Variants in DCDC2 observed in about 807,000 individuals in gnomAD.
The protein encoded by DCDC2 is doublecortin domain containing 2.
A neutral mutation model predicts 50.2 loss-of-function variants in DCDC2; 40 were observed. The observed-to-expected ratio is 0.80, with a 90% CI of 0.62 to 1.04. The LOEUF (loss-of-function observed/expected upper bound fraction) is 1.04, where lower values mean the gene tolerates loss of function less well. DCDC2 is among the 50% of genes least tolerant of loss of function. The pLI is 0.00. For synonymous variants in DCDC2, 234 were observed against 210.6 expected, an observed-to-expected ratio of 1.11 and a Z score of -0.96; for missense variants, 570 against 581.9, an observed-to-expected ratio of 0.98 and a Z score of 0.21.
intron 7 of DCDC2, among the ~76,000 whole-genome samples, chr6:24,215,310 G>A (rs1274384038): frequency 6.6e-6 from 1 of 152,156 alleles, no homozygotes; most frequent in Non-Finnish European, 1.5e-5. Context: ...AAGGCTGTAG[G>A]GATAAGGAGT....
At chr6:24,220,899 C>CGAGCGAGAGAGTGAGCGAGG (rs1170455755) in intron 7 of DCDC2, among the ~76,000 whole-genome samples, 1 of 115,752 alleles carries the variant, frequency 8.6e-6, no homozygotes, top group Non-Finnish European at 2.0e-5. Context: ...AGTGAGCGAG[C>CGAGCGAGAGAGTGAGCGAGG]GAGCGAGAGA....
At chr6:24,353,758 A>C in intron 1 of DCDC2, 135 bp from the exon 2 acceptor site, 1 of 523,522 alleles carries the variant, frequency 1.9e-6, no homozygotes, top group South Asian at 3.4e-5. Flanking sequence ...ATAGCTACTA[A>C]TGAAAAGCAA....
chr6:24,232,630 T>C (rs559891982), intron 7 of DCDC2, among the ~76,000 whole-genome samples: 1 of 152,356 alleles, frequency 6.6e-6, no homozygotes, highest in African/African-American at 2.4e-5. Flanking sequence ...ACACCAGCCA[T>C]GCTCTTTAAT....
At chr6:24,247,778 C>T (rs1233892595) in intron 7 of DCDC2, among the ~76,000 whole-genome samples, 1 of 152,058 alleles carries the variant, frequency 6.6e-6, no homozygotes, top group East Asian at 1.9e-4. Context: ...GCTGTGTACT[C>T]TTAAAAATGT....
At chr6:24,257,891 A>C (rs2113803696) in intron 7 of DCDC2, among the ~76,000 whole-genome samples, 1 of 152,366 alleles carries the variant, frequency 6.6e-6, no homozygotes, top group East Asian at 1.9e-4. Flanking sequence ...GAAGGACCAG[A>C]TTCAAGAGAC....
intron 2 of DCDC2, among the ~76,000 whole-genome samples, chr6:24,337,637 A>AT (rs1165602767): frequency 6.6e-6 from 1 of 151,964 alleles, no homozygotes; most frequent in Non-Finnish European, 1.5e-5. Context: ...CTACCAAAAA[A>AT]ATATAAAAAA....
At chr6:24,292,249 C>A (rs1763767894) in intron 4 of DCDC2, among the ~76,000 whole-genome samples, 1 of 149,948 alleles carries the variant, frequency 6.7e-6, no homozygotes, top group South Asian at 2.1e-4. Flanking sequence ...AGGTTATAAG[C>A]AAGAGCTATT....
At chr6:24,351,251 T>C (rs1170473457) in intron 2 of DCDC2, among the ~76,000 whole-genome samples, 1 of 152,170 alleles carries the variant, frequency 6.6e-6, no homozygotes, top group African/African-American at 2.4e-5. Context: ...GTGAAGGTCA[T>C]GGTGCGAACT....
chr6:24,337,568 C>T (rs142591381), intron 2 of DCDC2, among the ~76,000 whole-genome samples: 37 of 152,026 alleles, frequency 2.4e-4, no homozygotes, highest in Admixed American at 9.2e-4. Flanking sequence ...CCGAGGTGGG[C>T]GGATCGCTTG....
chr6:24,256,271 G>T (rs1762895850), intron 7 of DCDC2, among the ~76,000 whole-genome samples: 1 of 110,786 alleles, frequency 9.0e-6, no homozygotes, highest in Non-Finnish European at 2.0e-5. Flanking sequence ...TCAGATGCTG[G>T]ACATTTTTTT....
At chr6:24,349,131 C>T (rs1414484064) in intron 2 of DCDC2, among the ~76,000 whole-genome samples, 2 of 152,196 alleles carry the variant, frequency 1.3e-5, no homozygotes, top group African/African-American at 4.8e-5. Context: ...AGAGTGAGAT[C>T]TACAATGCCA....
chr6:24,315,584 C>A (rs1759645828), intron 2 of DCDC2, among the ~76,000 whole-genome samples: 1 of 152,034 alleles, frequency 6.6e-6, no homozygotes, highest in South Asian at 2.1e-4. Context: ...AAGACCCCTG[C>A]CTTCATGAAG....
intron 2 of DCDC2, among the ~76,000 whole-genome samples, chr6:24,325,233 G>A (rs908372226): frequency 1.5e-5 from 2 of 135,292 alleles, no homozygotes; most frequent in Non-Finnish European, 3.4e-5. Context: ...AAATAAAAGC[G>A]CTCACTTACA....
At chr6:24,185,160 T>C (rs995362190) in intron 8 of DCDC2, among the ~76,000 whole-genome samples, 4 of 152,194 alleles carry the variant, frequency 2.6e-5, no homozygotes, top group African/African-American at 9.6e-5. Flanking sequence ...TACATTTTTT[T>C]CTCCTTTTAA....
intron 8 of DCDC2, among the ~76,000 whole-genome samples, chr6:24,203,408 G>T (rs1311861627): frequency 6.6e-6 from 1 of 152,112 alleles, no homozygotes; most frequent in African/African-American, 2.4e-5. Flanking sequence ...TGTAATAAAT[G>T]GCGTTGGGAA....
chr6:24,186,497 A>G (rs375513603), intron 8 of DCDC2, among the ~76,000 whole-genome samples: 49 of 152,152 alleles, frequency 3.2e-4, no homozygotes, highest in African/African-American at 1.0e-3. Context: ...GCATGTGCGC[A>G]CACACACACT....
At chr6:24,245,061 G>A (rs1165431221) in intron 7 of DCDC2, among the ~76,000 whole-genome samples, 1 of 152,126 alleles carries the variant, frequency 6.6e-6, no homozygotes, top group African/African-American at 2.4e-5. Flanking sequence ...TGGGTGTGGT[G>A]GTTGCTCCTG....
chr6:24,206,724 C>T (rs780317687), intron 7 of DCDC2, among the ~76,000 whole-genome samples: 2 of 152,058 alleles, frequency 1.3e-5, no homozygotes, highest in Non-Finnish European at 2.9e-5. Context: ...AGAATACAAT[C>T]GATAACAACA....
intron 1 of DCDC2, among the ~76,000 whole-genome samples, chr6:24,356,017 T>C (rs1438792154): frequency 1.3e-5 from 2 of 152,178 alleles, no homozygotes; most frequent in Admixed American, 1.3e-4. Context: ...AATGTTCTAT[T>C]AAACTATGGA....
Sources: gnomAD v4.1 joint callset for allele counts (sites outside exome capture counted in the v4.1 genomes callset) on GRCh38, gnomAD v4.1.1 for gene constraint, MANE v1.5 for transcripts, NCBI Gene and HGNC (gene_info 2026-07-23, HGNC 2026-07-21) for gene names.